Variants in DOP1B observed in about 807,000 individuals in gnomAD.
DOP1B encodes the protein protein DOP1B.
In DOP1B, 174 loss-of-function variants were observed where a neutral mutation model predicts 233.5. The ratio of observed to expected loss-of-function variants is 0.75; its 90% confidence interval spans 0.66 to 0.85. The LOEUF is 0.85. DOP1B is among the 40% of genes least tolerant of loss of function. The pLI, the probability that DOP1B is intolerant of heterozygous loss-of-function variation, is 0.00. For synonymous variants in DOP1B, 1,190 were observed against 1,185.6 expected (o/e 1.00, Z -0.08); for missense variants, 2,652 against 2,846.6 (o/e 0.93, Z 1.56).
chr21:36,260,021 T>A (rs990869881), intron 23 of DOP1B, among the ~76,000 whole-genome samples: 6 of 151,604 alleles, frequency 4.0e-5, no homozygotes, highest in Non-Finnish European at 8.8e-5. Flanking sequence ...GAACTAGAAT[T>A]TTTTGGCCGG....
At chr21:36,182,145 C>T (rs16993948) in intron 2 of DOP1B, among the ~76,000 whole-genome samples, 2,121 of 152,122 alleles carry the variant, frequency 0.014, 49 homozygotes, top group African/African-American at 0.049. Flanking sequence ...AATCTAATTC[C>T]GATTTGTGGA....
intron 36 of DOP1B, 139 bp from the exon 37 acceptor site, chr21:36,293,181 G>C: frequency 1.1e-6 from 1 of 879,228 alleles, no homozygotes; most frequent in Non-Finnish European, 1.7e-6. Flanking sequence ...ACTCCAGCCT[G>C]GGCGACAGAG....
chr21:36,228,774 TAAATAAAATAAAATAAAATAAAATA>T lies in DOP1B; in HGVS notation c.1665+926_1665+950del, dbSNP rs200418493. Among the ~76,000 whole-genome samples, 822 of 140,548 alleles carry T rather than the reference TAAATAAAATAAAATAAAATAAAATA, an allele frequency of 5.8e-3. 10 individuals are homozygous for T. The highest frequency in any genetic ancestry group is 0.019 in the African/African-American group (727 of 37,926). 92.2% of individuals were successfully genotyped at this position (140,548 alleles called of 152,430 possible). The stretch of plus-strand genomic sequence containing the variant: ...AAGTGAGACTCTGTCTCAAAATAAA[TAAATAAAATAAAATAAAATAAAATA>T]AAATAAAATAAAATAAAATAAAATA... On this transcript the variant is annotated intron_variant, in intron 13 of 36. Coordinates refer to ENST00000691173, the MANE Select transcript of DOP1B (RefSeq NM_001320714.2).
At chr21:36,177,992 A>T (rs568711491) in intron 2 of DOP1B, among the ~76,000 whole-genome samples, 2 of 139,800 alleles carry the variant, frequency 1.4e-5, no homozygotes, top group East Asian at 3.9e-4. Flanking sequence ...TCTCCCAAGA[A>T]AGTTAGGAGC....
In DOP1B at chr21:36,200,352, G is replaced by C; in HGVS notation, c.342G>C (p.Leu114=). 1.2e-6 allele frequency: 2 copies of C among 1,603,858 alleles called. No individual in the cohort carries two copies. The highest frequency in any genetic ancestry group is 1.1e-5 in the South Asian group (1 of 89,854). The part of the protein sequence containing the change: ...FLYSCGLFPL[L]AHAAVSVRPV... ...GAAGCTGCGGGTTATTTCCTCTCCT[G>C]GCACACGCGGCGGTGTCGGTGAGGC... Residue 114 remains leucine (L), a synonymous_variant, in exon 4 of 37, where the codon CTG becomes CTC. Transcript: ENST00000691173.
chr21:36,196,030 G>A (rs1316320984), intron 2 of DOP1B, among the ~76,000 whole-genome samples: 1 of 152,234 alleles, frequency 6.6e-6, no homozygotes, highest in African/African-American at 2.4e-5. Context: ...ACGTTGCCGT[G>A]CCTATACTCA....
intron 31 of DOP1B, 135 bp from the exon 32 acceptor site, chr21:36,281,346 AGT>A: frequency 1.2e-6 from 1 of 840,334 alleles, no homozygotes; most frequent in Non-Finnish European, 1.8e-6. Context: ...ACATGGGAAC[AGT>A]AATCTCATGT....
At chr21:36,229,643 T>G (rs1289076724) in intron 13 of DOP1B, among the ~76,000 whole-genome samples, 1 of 151,514 alleles carries the variant, frequency 6.6e-6, no homozygotes, top group Non-Finnish European at 1.5e-5. Flanking sequence ...ACGTACACTA[T>G]TCTCTGACTT....
chr21:36,192,146 C>T (rs1038382369), intron 2 of DOP1B, among the ~76,000 whole-genome samples: 4 of 151,992 alleles, frequency 2.6e-5, no homozygotes, highest in African/African-American at 9.7e-5. Flanking sequence ...ATTGCTTAAG[C>T]TCAGGAGTTT....
intron 2 of DOP1B, among the ~76,000 whole-genome samples, chr21:36,194,290 C>T (rs563954175): frequency 1.3e-5 from 2 of 152,332 alleles, no homozygotes; most frequent in East Asian, 3.9e-4. Flanking sequence ...TAACTTTGTT[C>T]ATGATCTCTA....
intron 2 of DOP1B, among the ~76,000 whole-genome samples, chr21:36,183,868 T>G (rs1322334329): frequency 4.4e-4 from 64 of 145,478 alleles, no homozygotes; most frequent in Non-Finnish European, 3.0e-5. Flanking sequence ...CATGGTTTCT[T>G]TTTTTTTTTT....
intron 2 of DOP1B, chr21:36,170,287 G>A: frequency 3.2e-6 from 1 of 312,486 alleles, no homozygotes; most frequent in South Asian, 3.1e-5. Flanking sequence ...GGGCATTTGT[G>A]TATCTTTTTG....
intron 2 of DOP1B, among the ~76,000 whole-genome samples, chr21:36,193,197 G>A (rs1414822334): frequency 4.6e-5 from 7 of 152,172 alleles, no homozygotes; most frequent in Non-Finnish European, 8.8e-5. Context: ...ACGAAAGAGA[G>A]ATTAACGAGA....
chr21:36,183,474 G>A (rs770056873), intron 2 of DOP1B, among the ~76,000 whole-genome samples: 8 of 152,252 alleles, frequency 5.3e-5, no homozygotes, highest in Non-Finnish European at 1.2e-4. Flanking sequence ...GAGAGCCAGA[G>A]CCTGTTTCTT....
intron 20 of DOP1B, 35 bp from the exon 21 acceptor site, chr21:36,248,345 C>CA: frequency 6.2e-7 from 1 of 1,604,596 alleles, no homozygotes. Context: ...ATTCCACAGA[C>CA]ACAGCCTGCC....
chr21:36,170,811 A>G (rs2065965798), intron 2 of DOP1B, among the ~76,000 whole-genome samples: 1 of 151,680 alleles, frequency 6.6e-6, no homozygotes, highest in African/African-American at 2.4e-5. Flanking sequence ...CAAAAAAAAA[A>G]AAAAAGACAT....
intron 2 of DOP1B, among the ~76,000 whole-genome samples, chr21:36,197,392 G>C (rs1319617808): frequency 2.0e-5 from 3 of 152,198 alleles, no homozygotes; most frequent in Non-Finnish European, 4.4e-5. Context: ...GCGTACAAGA[G>C]GAAAGTTGTC....
At chr21:36,261,273 G>C in intron 24 of DOP1B, 1 of 944,602 alleles carries the variant, frequency 1.1e-6, no homozygotes, top group Non-Finnish European at 1.3e-6. Flanking sequence ...GCTGAGGCAG[G>C]AGAATTGCAT....
intron 4 of DOP1B, among the ~76,000 whole-genome samples, chr21:36,206,628 G>T (rs1250523694): frequency 6.6e-6 from 1 of 152,146 alleles, no homozygotes; most frequent in African/African-American, 2.4e-5. Flanking sequence ...ACTTTTTGAG[G>T]GTGGAACCCC....
Sources: gnomAD v4.1 joint callset for allele counts (sites outside exome capture counted in the v4.1 genomes callset) on GRCh38, gnomAD v4.1.1 for gene constraint, MANE v1.5 for transcripts, NCBI Gene and HGNC (gene_info 2026-07-23, HGNC 2026-07-21) for gene names.